ANKRD12: variants seen among roughly 807,000 people sequenced by gnomAD.
ANKRD12 encodes the protein ankyrin repeat domain-containing protein 12.
A neutral mutation model predicts 183.4 loss-of-function variants in ANKRD12; 85 were observed. The ratio of observed to expected loss-of-function variants is 0.46; its 90% confidence interval spans 0.39 to 0.56. ANKRD12 has a LOEUF of 0.56. Among genes scored for constraint, ANKRD12 ranks in the 20% least tolerant of loss-of-function variants. ANKRD12 has a pLI of 0.00. For missense variants in ANKRD12, 2,405 were observed against 2,357.1 expected (o/e 1.02, Z -0.42); for synonymous variants, 914 against 800.2 (o/e 1.14, Z -2.40).
chr18:9,147,105 CGTA>C (rs1197076734), intron 1 of ANKRD12, among the ~76,000 whole-genome samples: 1 of 152,008 alleles, frequency 6.6e-6, no homozygotes, highest in African/African-American at 2.4e-5. Context: ...AGAATTTGGA[CGTA>C]GTTTTTTTTT....
intron 2 of ANKRD12, among the ~76,000 whole-genome samples, chr18:9,183,309 T>A (rs2033830981): frequency 6.6e-6 from 1 of 152,212 alleles, no homozygotes; most frequent in African/African-American, 2.4e-5. Context: ...TTTATTGAAT[T>A]TTTTCATTGA....
At chr18:9,153,853 A>G (rs1010716687) in intron 1 of ANKRD12, among the ~76,000 whole-genome samples, 4 of 151,894 alleles carry the variant, frequency 2.6e-5, no homozygotes, top group Non-Finnish European at 5.9e-5. Context: ...CTAGCTCACT[A>G]ATTCATTCTT....
intron 2 of ANKRD12, among the ~76,000 whole-genome samples, chr18:9,194,784 G>C (rs2034673637): frequency 6.6e-6 from 1 of 152,166 alleles, no homozygotes; most frequent in East Asian, 1.9e-4. Flanking sequence ...TTTTACTGTT[G>C]TTTTAAAATT....
In ANKRD12 at chr18:9,195,426, C is replaced by T. The variant is rs1423358460; in HGVS notation, c.88-125C>T. 38 of 524,606 alleles carry T rather than the reference C, an allele frequency of 7.2e-5. No homozygotes were observed. The Admixed American group carries it at 1.6e-3, about 22-fold the overall frequency. The allele number at this position is 524,606 out of a possible 1,614,324, so 32.5% of individuals were successfully genotyped here. ...ACTTGTTGAAGCTGGGTCTTGAGTA[C>T]ATTGAATACAGTGATAGGTAATACT... On this transcript the variant is annotated intron_variant, in intron 2 of 12. Transcript: ENST00000262126.
At chr18:9,211,979 A>G (rs1215286259) in intron 6 of ANKRD12, among the ~76,000 whole-genome samples, 195 bp downstream of exon 6, 1 of 152,062 alleles carries the variant, frequency 6.6e-6, no homozygotes, top group African/African-American at 2.4e-5. Context: ...AATTACTCAT[A>G]TTTTTATATA....
At chr18:9,253,734 G>A (rs1393472693) in intron 8 of ANKRD12, among the ~76,000 whole-genome samples, 1 of 152,120 alleles carries the variant, frequency 6.6e-6, no homozygotes, top group East Asian at 1.9e-4. Context: ...ATGAATGCTG[G>A]CATAAATGCG....
At chr18:9,194,624 C>T (rs955364769) in intron 2 of ANKRD12, among the ~76,000 whole-genome samples, 3 of 151,974 alleles carry the variant, frequency 2.0e-5, no homozygotes, top group African/African-American at 2.4e-5. Context: ...CCCACAGTGC[C>T]GGGATTAACA....
chr18:9,161,145 ACTC>A (rs1266753480), intron 1 of ANKRD12, among the ~76,000 whole-genome samples: 11 of 151,140 alleles, frequency 7.3e-5, no homozygotes, highest in African/African-American at 2.7e-4. Context: ...TTTTTTAAAA[ACTC>A]CTGCTTACCT....
At chr18:9,189,144 G>A (rs1288799255) in intron 2 of ANKRD12, among the ~76,000 whole-genome samples, 1 of 152,162 alleles carries the variant, frequency 6.6e-6, no homozygotes, top group Non-Finnish European at 1.5e-5. Flanking sequence ...AAGCAAAACA[G>A]TCTTATTGCT....
intron 1 of ANKRD12, among the ~76,000 whole-genome samples, chr18:9,139,100 G>A (rs1349023211): frequency 6.6e-6 from 1 of 152,238 alleles, no homozygotes; most frequent in East Asian, 1.9e-4. Context: ...GCAGAACTGG[G>A]AAAGTGGAAA....
chr18:9,226,460 A>G (rs1286490542), intron 8 of ANKRD12, among the ~76,000 whole-genome samples: 1 of 152,130 alleles, frequency 6.6e-6, no homozygotes. Context: ...TCACTCCTGA[A>G]AGTTCCTTGA....
intron 9 of ANKRD12, 103 bp downstream of exon 9, chr18:9,259,034 C>A (rs2038805474): frequency 1.5e-6 from 2 of 1,311,964 alleles, no homozygotes; most frequent in South Asian, 3.4e-5. Context: ...TAGATAATTT[C>A]AGCAAAATAA....
At chr18:9,235,714 A>G (rs1301171146) in intron 8 of ANKRD12, 1 of 456,008 alleles carries the variant, frequency 2.2e-6, no homozygotes, top group Admixed American at 2.3e-5. Flanking sequence ...GCAATCAGCA[A>G]ATTCCAGATT....
At chr18:9,233,257 A>G (rs909733147) in intron 8 of ANKRD12, among the ~76,000 whole-genome samples, 1 of 151,892 alleles carries the variant, frequency 6.6e-6, no homozygotes, top group Non-Finnish European at 1.5e-5. Flanking sequence ...CTTCAGTTCC[A>G]GAATTTTTGT....
intron 2 of ANKRD12, among the ~76,000 whole-genome samples, chr18:9,183,818 A>T (rs1444157098): frequency 1.3e-5 from 2 of 152,136 alleles, no homozygotes; most frequent in Admixed American, 1.3e-4. Context: ...TATGACTTAT[A>T]TCTGATGATA....
intron 10 of ANKRD12, among the ~76,000 whole-genome samples, chr18:9,274,008 A>G (rs1279908203): frequency 6.6e-6 from 1 of 152,232 alleles, no homozygotes; most frequent in African/African-American, 2.4e-5. Flanking sequence ...AGTAACTAAA[A>G]TCTACTGGAC....
chr18:9,259,065 T>A, intron 9 of ANKRD12, 134 bp downstream of exon 9: 2 of 1,050,272 alleles, frequency 1.9e-6, no homozygotes, highest in Non-Finnish European at 2.7e-6. Context: ...AGTCGAGATA[T>A]AAAGCTAGTA....
chr18:9,216,358 T>TA (rs1022482623), intron 6 of ANKRD12, among the ~76,000 whole-genome samples: 30 of 152,322 alleles, frequency 2.0e-4, no homozygotes, highest in African/African-American at 7.0e-4. Context: ...TTTTGTTAAA[T>TA]AACAATTTTT....
chr18:9,159,599 A>ATT (rs71168039), intron 1 of ANKRD12, among the ~76,000 whole-genome samples: 3,329 of 142,968 alleles, frequency 0.023, 139 homozygotes, highest in African/African-American at 0.08. Context: ...GCCTGGCTAA[A>ATT]TTTTTTTTTT....
Sources: allele counts gnomAD v4.1 joint callset (sites outside exome capture counted in the v4.1 genomes callset), GRCh38; gene constraint gnomAD v4.1.1; transcripts MANE v1.5; gene names NCBI Gene and HGNC (gene_info 2026-07-23, HGNC 2026-07-21).